MMP16: variants seen among roughly 807,000 people sequenced by gnomAD.
MMP16 encodes the protein matrix metalloproteinase-16.
MMP16 carries 12 observed loss-of-function variants against 67.8 expected under a neutral mutation model. The ratio of observed to expected loss-of-function variants is 0.18; its 90% confidence interval spans 0.11 to 0.29. MMP16 has a LOEUF of 0.29. MMP16 is among the 10% of genes least tolerant of loss of function. MMP16 has a pLI of 1.00. For missense variants in MMP16, 475 were observed against 765.7 expected, an observed-to-expected ratio of 0.62 and a Z score of 4.48; for synonymous variants, 249 against 255.9, an observed-to-expected ratio of 0.97 and a Z score of 0.26.
chr8:88,199,738 T>C (rs1470960342), intron 1 of MMP16, among the ~76,000 whole-genome samples: 1 of 152,012 alleles, frequency 6.6e-6, no homozygotes, highest in African/African-American at 2.4e-5. Flanking sequence ...TCTGTAAAGA[T>C]ATATACATAT....
chr8:88,088,540 C>T (rs1808881866), intron 6 of MMP16, among the ~76,000 whole-genome samples: 1 of 152,038 alleles, frequency 6.6e-6, no homozygotes, highest in African/African-American at 2.4e-5. Flanking sequence ...CAAAGCAAAA[C>T]ACCCCTGAAA....
intron 1 of MMP16, among the ~76,000 whole-genome samples, chr8:88,276,996 T>C (rs1303268925): frequency 6.6e-6 from 1 of 152,182 alleles, no homozygotes; most frequent in African/African-American, 2.4e-5. Context: ...TTAAAGATTT[T>C]CACTGTAAAA....
chr8:88,295,040 G>T (rs1383460514), intron 1 of MMP16, among the ~76,000 whole-genome samples: 1 of 152,206 alleles, frequency 6.6e-6, no homozygotes. Context: ...TATTAGCAAT[G>T]AAATCCATAT....
At chr8:88,149,020 A>G (rs1007126610) in intron 4 of MMP16, among the ~76,000 whole-genome samples, 6 of 152,190 alleles carry the variant, frequency 3.9e-5, no homozygotes, top group Admixed American at 2.0e-4. Context: ...GGCGCGAGCC[A>G]AAGCAGGGCG....
At chr8:88,180,330 TA>T (rs71277979) in intron 3 of MMP16, among the ~76,000 whole-genome samples, 9 of 142,220 alleles carry the variant, frequency 6.3e-5, no homozygotes, top group African/African-American at 2.1e-4. Context: ...CAGCACAGAG[TA>T]AAAAAAAACA....
intron 1 of MMP16, among the ~76,000 whole-genome samples, chr8:88,233,267 T>C (rs1586217856): frequency 1.3e-5 from 2 of 152,212 alleles, no homozygotes; most frequent in South Asian, 4.2e-4. Flanking sequence ...TCAGATAAAT[T>C]ATTTGCATCT....
intron 1 of MMP16, among the ~76,000 whole-genome samples, chr8:88,309,163 T>G (rs983588001): frequency 1.3e-5 from 2 of 151,994 alleles, no homozygotes; most frequent in African/African-American, 4.8e-5. Context: ...ATAAACCAAT[T>G]AACTCACATG....
chr8:88,156,016 T>C (rs1026184264), intron 4 of MMP16, among the ~76,000 whole-genome samples: 1 of 152,156 alleles, frequency 6.6e-6, no homozygotes, highest in Non-Finnish European at 1.5e-5. Flanking sequence ...AAATTTGTTA[T>C]GAGGAATAAA....
At chr8:88,092,186 C>T (rs1808949380) in intron 6 of MMP16, among the ~76,000 whole-genome samples, 1 of 151,962 alleles carries the variant, frequency 6.6e-6, no homozygotes, top group Non-Finnish European at 1.5e-5. Context: ...AGCTGAAATG[C>T]TAATTGTGGT....
chr8:88,291,146 T>C (rs1255470671), intron 1 of MMP16, among the ~76,000 whole-genome samples: 1 of 151,962 alleles, frequency 6.6e-6, no homozygotes, highest in Non-Finnish European at 1.5e-5. Flanking sequence ...CCAGATATGA[T>C]GGTGGATGCT....
intron 4 of MMP16, among the ~76,000 whole-genome samples, chr8:88,125,697 A>C (rs573096166): frequency 6.6e-6 from 1 of 152,106 alleles, no homozygotes; most frequent in South Asian, 2.1e-4. Context: ...TGCTGAAGAA[A>C]AGCAAGATTG....
At chr8:88,222,355 C>A (rs1433273078) in intron 1 of MMP16, among the ~76,000 whole-genome samples, 2 of 152,032 alleles carry the variant, frequency 1.3e-5, no homozygotes, top group African/African-American at 4.8e-5. Flanking sequence ...GTTTAAAGTT[C>A]ATATGGAACC....
intron 6 of MMP16, among the ~76,000 whole-genome samples, chr8:88,085,354 T>C (rs1296482396): frequency 1.3e-5 from 2 of 152,084 alleles, no homozygotes; most frequent in East Asian, 3.9e-4. Flanking sequence ...GTTTTTGGTA[T>C]ATAAATGTTA....
intron 1 of MMP16, among the ~76,000 whole-genome samples, chr8:88,285,574 G>A (rs1810816968): frequency 6.6e-6 from 1 of 152,004 alleles, no homozygotes; most frequent in Non-Finnish European, 1.5e-5. Flanking sequence ...CTTCTTCCTG[G>A]GGAAAATCCC....
chr8:88,149,685 GAC>G (rs1280254905), intron 4 of MMP16, among the ~76,000 whole-genome samples: 17 of 151,470 alleles, frequency 1.1e-4, no homozygotes, highest in African/African-American at 4.1e-4. Context: ...AAACAGAAAG[GAC>G]ATCCACACCA....
intron 6 of MMP16, among the ~76,000 whole-genome samples, chr8:88,091,497 A>G (rs1021939637): frequency 2.6e-5 from 4 of 151,828 alleles, no homozygotes; most frequent in African/African-American, 9.7e-5. Context: ...AGGAAGGAAC[A>G]GTATTTTAGC....
intron 1 of MMP16, among the ~76,000 whole-genome samples, chr8:88,302,134 C>A (rs968347009): frequency 1.3e-5 from 2 of 152,146 alleles, no homozygotes; most frequent in Non-Finnish European, 2.9e-5. Flanking sequence ...ATACCCACAA[C>A]CAGGTTCCCA....
chr8:88,070,709 A>G (rs1563522974), intron 7 of MMP16, among the ~76,000 whole-genome samples: 1 of 152,102 alleles, frequency 6.6e-6, no homozygotes, highest in Non-Finnish European at 1.5e-5. Context: ...GTTGTGCCGC[A>G]GCCTGTAAAT....
intron 1 of MMP16, among the ~76,000 whole-genome samples, chr8:88,239,886 A>G (rs1213515948): frequency 7.9e-5 from 12 of 152,234 alleles, no homozygotes; most frequent in Non-Finnish European, 2.9e-5. Context: ...ACTTTTATGC[A>G]TTTCTTAAAA....
Sources: allele counts gnomAD v4.1 joint callset (sites outside exome capture counted in the v4.1 genomes callset), GRCh38; gene constraint gnomAD v4.1.1; transcripts MANE v1.5; gene names NCBI Gene and HGNC (gene_info 2026-07-23, HGNC 2026-07-21).